NRXN3: variants seen among roughly 807,000 people sequenced by gnomAD.
NRXN3 encodes the protein neurexin 3.
Under a neutral mutation model 137.6 loss-of-function variants are expected in NRXN3, and 32 were observed. The observed-to-expected ratio is 0.23, with a 90% CI of 0.18 to 0.31. The LOEUF (loss-of-function observed/expected upper bound fraction) is 0.31. NRXN3 is among the 10% of genes least tolerant of loss of function. The probability of loss-of-function intolerance (pLI) is 1.00; values close to 1 mark genes in which losing one functional copy is unlikely to be tolerated. For missense variants in NRXN3, 1,574 were observed against 2,062.5 expected (o/e 0.76, Z 4.59); for synonymous variants, 798 against 784.5 (o/e 1.02, Z -0.29).
intron 6 of NRXN3, among the ~76,000 whole-genome samples, chr14:78,663,207 C>T (rs187334287): frequency 2.6e-4 from 39 of 152,154 alleles, no homozygotes; most frequent in Admixed American, 1.2e-3. Context: ...GAGTTAGTGA[C>T]GAAGAAAAGG....
intron 1 of NRXN3, among the ~76,000 whole-genome samples, chr14:78,198,228 G>A (rs1011550398): frequency 1.3e-5 from 2 of 152,188 alleles, no homozygotes; most frequent in African/African-American, 2.4e-5. Context: ...GCTGCTCTTC[G>A]CATCATTCCG....
At chr14:78,724,682 T>A (rs2098475141) in intron 8 of NRXN3, among the ~76,000 whole-genome samples, 2 of 152,358 alleles carry the variant, frequency 1.3e-5, no homozygotes, top group Non-Finnish European at 2.9e-5. Context: ...GCAGTAGTCA[T>A]GCCGTTATAG....
At chr14:78,446,534 C>A (rs1443652508) in intron 4 of NRXN3, among the ~76,000 whole-genome samples, 3 of 152,072 alleles carry the variant, frequency 2.0e-5, no homozygotes, top group South Asian at 4.2e-4. Context: ...AGTGTCTAGG[C>A]CAGGACCTGG....
chr14:79,867,410 T>C lies in NRXN3; in HGVS notation c.*5446T>C, dbSNP rs1265848261. 1 of 152,230 alleles carries C rather than the reference T, an allele frequency of 6.6e-6. No individual in the cohort carries two copies. Among genetic ancestry groups the C allele is most frequent in the Non-Finnish European group, 1.5e-5 (1 of 68,058 alleles). The allele number at this position is 152,230 out of a possible 1,614,324, so 9.4% of individuals were successfully genotyped here. A position where few individuals can be genotyped will look rare whatever the true frequency, so the allele number is the denominator to read the frequency against. On this transcript the variant is annotated 3_prime_UTR_variant, in exon 21 of 21. Transcript: ENST00000335750. ...TTAGGGCTCAGTTTCTGGGAAGGGC[T>C]CTCTTCCTGGCTTGTAGATAATAAG... is the stretch of plus-strand genomic sequence containing the variant.
intron 4 of NRXN3, among the ~76,000 whole-genome samples, chr14:78,388,413 G>A (rs542480256): frequency 5.5e-4 from 83 of 152,230 alleles, no homozygotes; most frequent in Non-Finnish European, 9.6e-4. Flanking sequence ...AGGGAAAGAA[G>A]AGAAAGTTCT....
intron 4 of NRXN3, among the ~76,000 whole-genome samples, chr14:78,394,490 G>GT (rs1393357631): frequency 6.6e-6 from 1 of 151,558 alleles, no homozygotes. Context: ...TTTTGTTAAG[G>GT]TTTTTTGTGT....
At chr14:79,262,111 C>G (rs2153409067) in intron 15 of NRXN3, among the ~76,000 whole-genome samples, 2 of 152,228 alleles carry the variant, frequency 1.3e-5, no homozygotes, top group Middle Eastern at 6.8e-3. Flanking sequence ...TGTTTACACA[C>G]TCAACATTGT....
chr14:79,502,577 T>C (rs1040583881), intron 16 of NRXN3, among the ~76,000 whole-genome samples: 1 of 150,508 alleles, frequency 6.6e-6, no homozygotes, highest in African/African-American at 2.4e-5. Flanking sequence ...CTCTCTTCAG[T>C]ATCTAATGTA....
chr14:79,350,403 G>A (rs1056581005), intron 15 of NRXN3, among the ~76,000 whole-genome samples: 14 of 152,200 alleles, frequency 9.2e-5, no homozygotes, highest in Admixed American at 5.9e-4. Context: ...TCTACTGTGG[G>A]ACTCTGGTGT....
intron 1 of NRXN3, among the ~76,000 whole-genome samples, chr14:78,202,081 T>TAGCTGCCATGGGTGAGCTGCCATGGGTG (rs544573079): frequency 6.6e-6 from 1 of 152,018 alleles, no homozygotes; most frequent in African/African-American, 2.4e-5. Flanking sequence ...GAAACTCCCA[T>TAGCTGCCATGGGTGAGCTGCCATGGGTG]AGCTGCCATG....
At chr14:78,493,253 G>T (rs973265944) in intron 4 of NRXN3, among the ~76,000 whole-genome samples, 2 of 151,602 alleles carry the variant, frequency 1.3e-5, no homozygotes, top group East Asian at 3.9e-4. Context: ...CAGGCATTGT[G>T]GCTCATGCCT....
intron 10 of NRXN3, among the ~76,000 whole-genome samples, chr14:78,868,970 G>T (rs962115191): frequency 3.9e-5 from 6 of 152,180 alleles, no homozygotes; most frequent in Non-Finnish European, 5.9e-5. Flanking sequence ...CGGAGTAACT[G>T]TAGGTCCCGC....
At chr14:78,485,046 T>C (rs1318466320) in intron 4 of NRXN3, among the ~76,000 whole-genome samples, 3 of 152,182 alleles carry the variant, frequency 2.0e-5, no homozygotes, top group Non-Finnish European at 4.4e-5. Context: ...TGGTCCTGTC[T>C]ATGTTACTGT....
At chr14:79,253,442 A>C (rs2153381515) in intron 15 of NRXN3, among the ~76,000 whole-genome samples, 1 of 152,302 alleles carries the variant, frequency 6.6e-6, no homozygotes, top group African/African-American at 2.4e-5. Flanking sequence ...TCACCCAAAA[A>C]CTTTTACAGA....
intron 10 of NRXN3, among the ~76,000 whole-genome samples, chr14:78,891,516 A>G (rs752661316): frequency 2.0e-5 from 3 of 151,894 alleles, no homozygotes; most frequent in Non-Finnish European, 4.4e-5. Flanking sequence ...TGAGAAATAA[A>G]ATTCCCACGC....
At chr14:79,470,977 T>A (rs1166772747) in intron 16 of NRXN3, among the ~76,000 whole-genome samples, 4 of 150,588 alleles carry the variant, frequency 2.7e-5, no homozygotes, top group Non-Finnish European at 4.4e-5. Flanking sequence ...TGTGTGTGTG[T>A]GTGTGTGTGT....
chr14:79,842,713 A>C (rs2099358647), intron 20 of NRXN3, among the ~76,000 whole-genome samples: 1 of 152,228 alleles, frequency 6.6e-6, no homozygotes, highest in Non-Finnish European at 1.5e-5. Context: ...TAACATATCT[A>C]TCATCTCACA....
chr14:79,408,004 G>T (rs1023175552), intron 15 of NRXN3, among the ~76,000 whole-genome samples: 2 of 152,136 alleles, frequency 1.3e-5, no homozygotes, highest in Admixed American at 6.6e-5. Context: ...CCTGAACTAG[G>T]AATATAATTC....
chr14:79,387,980 C>T (rs1267855961), intron 15 of NRXN3, among the ~76,000 whole-genome samples: 3 of 149,644 alleles, frequency 2.0e-5, no homozygotes, highest in South Asian at 4.3e-4. Flanking sequence ...GGAGGGATAG[C>T]ATTAGGAGAT....
Sources: allele counts gnomAD v4.1 joint callset (sites outside exome capture counted in the v4.1 genomes callset), GRCh38; gene constraint gnomAD v4.1.1; transcripts MANE v1.5; gene names NCBI Gene and HGNC (gene_info 2026-07-23, HGNC 2026-07-21).